TRAPPC9: variants seen among roughly 807,000 people sequenced by gnomAD.
TRAPPC9 encodes the protein trafficking protein particle complex subunit 9, also known as IKK2 binding protein.
TRAPPC9 carries 83 observed loss-of-function variants against 124.0 expected under a neutral mutation model. The ratio of observed to expected loss-of-function variants is 0.67; its 90% CI spans 0.56 to 0.80. The LOEUF (loss-of-function observed/expected upper bound fraction) is 0.80. Among genes scored for constraint, TRAPPC9 ranks in the 30% least tolerant of loss-of-function variants. TRAPPC9 has a pLI of 0.00. For missense variants in TRAPPC9, 1,302 were observed against 1,508.3 expected (o/e 0.86, Z 2.27); for synonymous variants, 638 against 617.5 (o/e 1.03, Z -0.49).
intron 19 of TRAPPC9, among the ~76,000 whole-genome samples, chr8:139,965,661 A>G (rs1046244214): frequency 1.5e-5 from 1 of 67,098 alleles, no homozygotes; most frequent in Non-Finnish European, 4.2e-5. Context: ...ATCCATTCAC[A>G]TTCACCAACC....
intron 21 of TRAPPC9, among the ~76,000 whole-genome samples, chr8:139,828,352 T>C (rs1382713945): frequency 6.6e-6 from 1 of 152,218 alleles, no homozygotes; most frequent in Non-Finnish European, 1.5e-5. Flanking sequence ...GCATTCTCTT[T>C]TATGATCTAT....
At chr8:140,253,994 A>G (rs902266981) in intron 15 of TRAPPC9, among the ~76,000 whole-genome samples, 25 of 152,236 alleles carry the variant, frequency 1.6e-4, no homozygotes, top group African/African-American at 4.3e-4. Context: ...ACAGCACTGT[A>G]AGAACCTCAG....
chr8:140,371,568 T>C (rs973844694), intron 7 of TRAPPC9, among the ~76,000 whole-genome samples: 1 of 152,250 alleles, frequency 6.6e-6, no homozygotes, highest in South Asian at 2.1e-4. Context: ...CACAGAATCA[T>C]GTAACTGGGT....
At chr8:140,275,915 A>G (rs949155364) in intron 14 of TRAPPC9, 94 bp from the exon 15 acceptor site, 1 of 1,029,854 alleles carries the variant, frequency 9.7e-7, no homozygotes, top group Non-Finnish European at 1.5e-6. Flanking sequence ...CACCATACTC[A>G]TGCATTTCAG....
chr8:139,901,876 G>A (rs1377392527), intron 20 of TRAPPC9, among the ~76,000 whole-genome samples: 1 of 152,330 alleles, frequency 6.6e-6, no homozygotes, highest in South Asian at 2.1e-4. Flanking sequence ...TCTGTGCAAC[G>A]TGGATAAAAC....
At chr8:140,376,942 C>T (rs1406707080) in intron 7 of TRAPPC9, among the ~76,000 whole-genome samples, 1 of 151,844 alleles carries the variant, frequency 6.6e-6, no homozygotes. Flanking sequence ...AACAGGGATG[C>T]TGTGCCCTAT....
intron 17 of TRAPPC9, among the ~76,000 whole-genome samples, chr8:140,203,111 C>T (rs1406677451): frequency 6.6e-6 from 1 of 152,042 alleles, no homozygotes; most frequent in Non-Finnish European, 1.5e-5. Flanking sequence ...ATCTGGGGAT[C>T]AAATGGGAGA....
intron 16 of TRAPPC9, among the ~76,000 whole-genome samples, chr8:140,250,205 G>T (rs1210690388): frequency 1.3e-5 from 2 of 152,096 alleles, no homozygotes; most frequent in South Asian, 2.1e-4. Flanking sequence ...TTTTTACAAA[G>T]ATTAAATAGA....
At chr8:139,940,737 G>A (rs531940657) in intron 19 of TRAPPC9, among the ~76,000 whole-genome samples, 22 of 152,212 alleles carry the variant, frequency 1.4e-4, no homozygotes, top group Non-Finnish European at 2.8e-4. Flanking sequence ...CTTGGCCAAC[G>A]TCCCTCTTCC....
At chr8:140,102,319 A>C (rs1410331035) in intron 17 of TRAPPC9, among the ~76,000 whole-genome samples, 3 of 152,246 alleles carry the variant, frequency 2.0e-5, no homozygotes, top group Non-Finnish European at 4.4e-5. Context: ...GAAATGAAAG[A>C]AAGAGATGTA....
intron 17 of TRAPPC9, among the ~76,000 whole-genome samples, chr8:140,053,685 C>G (rs1842130312): frequency 6.6e-6 from 1 of 152,142 alleles, no homozygotes; most frequent in African/African-American, 2.4e-5. Context: ...TACTGTGTTG[C>G]TGTCTTTTTC....
At chr8:140,447,257 G>A (rs1050669899) in intron 2 of TRAPPC9, among the ~76,000 whole-genome samples, 1 of 152,112 alleles carries the variant, frequency 6.6e-6, no homozygotes, top group African/African-American at 2.4e-5. Flanking sequence ...AAACGCCAAT[G>A]GGTTACCTGC....
At chr8:140,298,738 A>G (rs1342669273) in intron 11 of TRAPPC9, among the ~76,000 whole-genome samples, 2 of 152,192 alleles carry the variant, frequency 1.3e-5, no homozygotes, top group Non-Finnish European at 2.9e-5. Context: ...CAGGAACATG[A>G]AATGTACAGT....
chr8:139,793,370 C>G (rs1822830782), intron 21 of TRAPPC9, among the ~76,000 whole-genome samples: 1 of 152,220 alleles, frequency 6.6e-6, no homozygotes, highest in South Asian at 2.1e-4. Flanking sequence ...CAGGAGACTG[C>G]AGGTCTGTCA....
intron 17 of TRAPPC9, among the ~76,000 whole-genome samples, chr8:140,220,412 C>G (rs1238239214): frequency 6.6e-6 from 1 of 152,120 alleles, no homozygotes; most frequent in Admixed American, 6.5e-5. Flanking sequence ...ACCCAAGAGC[C>G]CAGCAACACA....
At chr8:140,139,985 G>A (rs1363839331) in intron 17 of TRAPPC9, among the ~76,000 whole-genome samples, 1 of 152,200 alleles carries the variant, frequency 6.6e-6, no homozygotes, top group Non-Finnish European at 1.5e-5. Context: ...ACCATTTACT[G>A]AGGGAGTGGA....
At chr8:139,902,862 A>G (rs1831106215) in intron 20 of TRAPPC9, among the ~76,000 whole-genome samples, 1 of 152,184 alleles carries the variant, frequency 6.6e-6, no homozygotes, top group South Asian at 2.1e-4. Flanking sequence ...GGCAGTCTTG[A>G]AAATGGAGAA....
intron 17 of TRAPPC9, among the ~76,000 whole-genome samples, chr8:140,049,244 G>A (rs1484626027): frequency 6.6e-6 from 1 of 152,226 alleles, no homozygotes; most frequent in African/African-American, 2.4e-5. Flanking sequence ...GGGCCTGCGG[G>A]CCCAGAGTTG....
intron 17 of TRAPPC9, among the ~76,000 whole-genome samples, chr8:140,079,421 G>C (rs1843688857): frequency 2.0e-5 from 3 of 152,070 alleles, no homozygotes; most frequent in South Asian, 4.2e-4. Context: ...TGAGGCCCCA[G>C]AGAAGTAAGA....
Sources: gnomAD v4.1 joint callset for allele counts (sites outside exome capture counted in the v4.1 genomes callset) on GRCh38, gnomAD v4.1.1 for gene constraint, MANE v1.5 for transcripts, NCBI Gene and HGNC (gene_info 2026-07-23, HGNC 2026-07-21) for gene names.